Variants in RBFOX1 observed in about 807,000 individuals in gnomAD.
The protein encoded by RBFOX1 is RNA binding fox-1 homolog 1, also known as RNA binding protein fox-1 homolog 1.
RBFOX1 carries 8 observed loss-of-function variants against 57.7 expected under a neutral mutation model. The observed-to-expected ratio is 0.14, with a 90% confidence interval of 0.08 to 0.25. The LOEUF (loss-of-function observed/expected upper bound fraction) is 0.25, where lower values mean the gene tolerates loss of function less well. Ranked by LOEUF, RBFOX1 falls within the 10% of genes least tolerant of loss-of-function variation. The pLI, the probability that RBFOX1 is intolerant of heterozygous loss-of-function variation, is 1.00. For missense variants in RBFOX1, 611 were observed against 548.5 expected (o/e 1.11, Z -1.14); for synonymous variants, 326 against 222.4 (o/e 1.47, Z -4.15).
chr16:5,433,140 C>T (rs905252879), intron 1 of RBFOX1, among the ~76,000 whole-genome samples: 1 of 152,174 alleles, frequency 6.6e-6, no homozygotes, highest in Admixed American at 6.5e-5. Context: ...TTCTCAGCTT[C>T]CCAAAGTGCT....
At chr16:7,280,244 G>C (rs1053690226) in intron 4 of RBFOX1, among the ~76,000 whole-genome samples, 3 of 152,210 alleles carry the variant, frequency 2.0e-5, no homozygotes, top group African/African-American at 4.8e-5. Context: ...AAATGAGCAA[G>C]CTTGTGTTTC....
At chr16:6,510,314 T>C (rs554585403) in intron 2 of RBFOX1, among the ~76,000 whole-genome samples, 2 of 152,246 alleles carry the variant, frequency 1.3e-5, no homozygotes, top group East Asian at 3.9e-4. Context: ...TTGAAGTGTT[T>C]TTGAGATTTG....
intron 3 of RBFOX1, among the ~76,000 whole-genome samples, chr16:6,658,259 A>G: frequency 6.6e-6 from 1 of 150,474 alleles, no homozygotes; most frequent in Non-Finnish European, 1.5e-5. Context: ...TTTTTTTTTA[A>G]CAGTCTCCCT....
intron 4 of RBFOX1, among the ~76,000 whole-genome samples, chr16:7,457,162 C>T (rs2058695100): frequency 6.6e-6 from 1 of 152,108 alleles, no homozygotes; most frequent in African/African-American, 2.4e-5. Flanking sequence ...GCTAGGATTA[C>T]AGGTGTGAGC....
rs1453044054 is a variant in RBFOX1, at chr16:6,300,397, C to T, written c.-126-16598C>T. Reference sequence around the variant, plus strand: ...TGATTTAGCCATTCCACAGTGTATACATATTTCAAAACATCATGTTGTACA... The same window carrying T: ...TGATTTAGCCATTCCACAGTGTATATATATTTCAAAACATCATGTTGTACA... On this transcript the variant is annotated intron_variant, in intron 1 of 15. Transcript: ENST00000550418. Among the ~76,000 whole-genome samples the T allele has an allele frequency of 1.0e-3, 154 of 152,186 alleles. 4 individuals carry two copies. The highest frequency in any genetic ancestry group is 1.5e-5 in the Non-Finnish European group (1 of 68,030).
At chr16:6,111,832 A>G (rs2096450113) in intron 1 of RBFOX1, among the ~76,000 whole-genome samples, 1 of 152,226 alleles carries the variant, frequency 6.6e-6, no homozygotes, top group African/African-American at 2.4e-5. Context: ...AGTACCATCT[A>G]AACTCTCTCA....
chr16:6,324,857 G>C (rs1315124081), intron 2 of RBFOX1, among the ~76,000 whole-genome samples: 2 of 152,154 alleles, frequency 1.3e-5, no homozygotes, highest in Admixed American at 1.3e-4. Context: ...GACAGAGATG[G>C]ATAAGTTACG....
chr16:5,627,809 G>A (rs1345486558), intron 3 of RBFOX1, among the ~76,000 whole-genome samples: 1 of 152,186 alleles, frequency 6.6e-6, no homozygotes, highest in South Asian at 2.1e-4. Context: ...CTATACAGGA[G>A]GCTAAGCATA....
chr16:6,292,657 T>G (rs1357104423), intron 1 of RBFOX1, among the ~76,000 whole-genome samples: 1 of 152,184 alleles, frequency 6.6e-6, no homozygotes, highest in African/African-American at 2.4e-5. Flanking sequence ...GTCAGACTGA[T>G]TTTTGCTCCT....
intron 4 of RBFOX1, among the ~76,000 whole-genome samples, chr16:5,966,812 A>AG (rs2059852697): frequency 6.6e-6 from 1 of 151,972 alleles, no homozygotes; most frequent in Admixed American, 6.6e-5. Context: ...AGATTTGGGT[A>AG]GGGGGGCAGA....
At chr16:5,857,678 T>C (rs969787828) in intron 3 of RBFOX1, among the ~76,000 whole-genome samples, 1 of 152,026 alleles carries the variant, frequency 6.6e-6, no homozygotes, top group Non-Finnish European at 1.5e-5. Context: ...TCCCAGCATT[T>C]TGGGAGGCCA....
rs187090425 is a variant in RBFOX1, at chr16:6,842,900, T to G, written c.-16+188250T>G. Among the ~76,000 whole-genome samples the G allele has an allele frequency of 3.3e-4, 50 of 152,230 alleles. 1 individual carries two copies. The East Asian group carries it at 8.5e-3, about 26-fold the overall frequency. On this transcript the variant is annotated intron_variant, in intron 3 of 15. Coordinates refer to ENST00000550418, the MANE Select transcript of RBFOX1 (RefSeq NM_018723.4). ...TGTGTTCTCATTGTTCAACTCCGAC[T>G]TATGAGTGAGAACATGCAGTGTTTG...
chr16:6,849,213 G>C (rs1271944531), intron 3 of RBFOX1, among the ~76,000 whole-genome samples: 4 of 152,228 alleles, frequency 2.6e-5, no homozygotes, highest in African/African-American at 7.2e-5. Context: ...CTATCAGAGA[G>C]TGTGTTGACA....
upstream of RBFOX1, among the ~76,000 whole-genome samples, chr16:6,018,815 C>A (rs958361508): frequency 2.0e-5 from 3 of 152,048 alleles, no homozygotes; most frequent in Non-Finnish European, 2.9e-5. Context: ...CACCTGGGGA[C>A]TACCAGGACG....
intron 4 of RBFOX1, among the ~76,000 whole-genome samples, chr16:5,983,767 T>C (rs372072848): frequency 6.6e-6 from 1 of 152,092 alleles, no homozygotes; most frequent in Admixed American, 6.5e-5. Flanking sequence ...ATGAGTATTC[T>C]GAACAGTGAT....
intron 2 of RBFOX1, among the ~76,000 whole-genome samples, chr16:6,372,891 T>C (rs1163254808): frequency 6.7e-6 from 1 of 148,514 alleles, no homozygotes; most frequent in Non-Finnish European, 1.5e-5. Flanking sequence ...GATGGAAGAG[T>C]ATAGTTGGAT....
chr16:5,483,751 A>G (rs2069628737), intron 2 of RBFOX1, among the ~76,000 whole-genome samples: 1 of 152,208 alleles, frequency 6.6e-6, no homozygotes, highest in South Asian at 2.1e-4. Context: ...TGTGTAACAA[A>G]TTACCCCCAA....
intron 4 of RBFOX1, among the ~76,000 whole-genome samples, chr16:7,419,940 TTTTTA>T (rs1375927883): frequency 2.1e-4 from 24 of 111,748 alleles, no homozygotes; most frequent in Admixed American, 4.4e-4. Flanking sequence ...TTTTTTTTTT[TTTTTA>T]ATTGTTTTGG....
chr16:7,128,628 A>G lies in RBFOX1; in HGVS notation c.27+76530A>G, dbSNP rs545332012. Reference sequence around the variant, plus strand: ...AGAGGCTCATGCTAGGAACTGACACATTCTCATTTCTACCCTATTGTTACC... The same window carrying G: ...AGAGGCTCATGCTAGGAACTGACACGTTCTCATTTCTACCCTATTGTTACC... On this transcript the variant is annotated intron_variant, in intron 4 of 15. Coordinates refer to ENST00000550418, the MANE Select transcript of RBFOX1 (RefSeq NM_018723.4). 1.2e-4 allele frequency among the ~76,000 whole-genome samples: 19 copies of G among 152,284 alleles called. No homozygotes were observed. In the South Asian group the frequency reaches 3.9e-3, roughly 32 times the overall value.
Sources: allele counts gnomAD v4.1 joint callset (sites outside exome capture counted in the v4.1 genomes callset), GRCh38; gene constraint gnomAD v4.1.1; transcripts MANE v1.5; gene names NCBI Gene and HGNC (gene_info 2026-07-23, HGNC 2026-07-21).